Variants in COL4A6 observed in about 807,000 individuals in gnomAD.
COL4A6 encodes the protein collagen alpha-6(IV) chain.
COL4A6 carries 59 observed loss-of-function variants against 126.7 expected under a neutral mutation model. The ratio of observed to expected loss-of-function variants is 0.47; its 90% CI spans 0.38 to 0.58. The LOEUF (loss-of-function observed/expected upper bound fraction) is 0.58, where lower values mean the gene tolerates loss of function less well. Ranked by LOEUF, COL4A6 falls within the 20% of genes least tolerant of loss-of-function variation. The pLI is 0.00. For synonymous variants in COL4A6, 547 were observed against 496.6 expected (o/e 1.10, Z -1.35); for missense variants, 1,285 against 1,337.3 (o/e 0.96, Z 0.61).
intron 3 of COL4A6, among the ~76,000 whole-genome samples, chrX:108,302,160 C>T (rs2038505829): frequency 9.0e-6 from 1 of 110,558 alleles, no homozygotes; most frequent in Non-Finnish European, 1.9e-5. Context: ...ATACACATGT[C>T]CTAATCTCTC....
chrX:108,191,472 TG>T lies in COL4A6; in HGVS notation c.1241del (p.Pro414GlnfsTer56). 1 of 1,211,367 alleles carries T rather than the reference TG, an allele frequency of 8.3e-7. No individual in the cohort carries two copies. The highest frequency in any genetic ancestry group is 1.7e-5 in the African/African-American group (1 of 57,727). On this transcript the variant is annotated frameshift_variant, in exon 19 of 45. Coordinates refer to ENST00000334504, the MANE Select transcript of COL4A6 (RefSeq NM_033641.4). LOFTEE classifies it high-confidence loss of function. ...FPGLKGDQGN[P>X]GRTTIGAAGL... ...CAGCTGCTCCAATTGTGGTACGGCC[TG>T]GGTTTCCTTGGTCCCCCTTCAGCCC... is the stretch of plus-strand genomic sequence containing the variant.
intron 3 of COL4A6, among the ~76,000 whole-genome samples, chrX:108,271,514 T>C (rs751095005): frequency 1.8e-5 from 2 of 111,739 alleles, no homozygotes; most frequent in South Asian, 7.6e-4. Flanking sequence ...ATTAAATGGA[T>C]TCAGTCAGAT....
intron 2 of COL4A6, among the ~76,000 whole-genome samples, chrX:108,395,768 G>A (rs1481315152): frequency 8.9e-6 from 1 of 111,939 alleles, no homozygotes; most frequent in Non-Finnish European, 1.9e-5. Flanking sequence ...CTCTCACAAA[G>A]ATAGTAAAAA....
chrX:108,377,766 A>T (rs760403985), intron 2 of COL4A6, among the ~76,000 whole-genome samples: 1 of 106,928 alleles, frequency 9.4e-6, no homozygotes, highest in Non-Finnish European at 1.9e-5. Flanking sequence ...CGTCTCTACT[A>T]AAAAAACCAA....
At chrX:108,170,522 C>T (rs926472369) in intron 35 of COL4A6, 87 bp downstream of exon 35, 6 of 764,371 alleles carry the variant, frequency 7.8e-6, no homozygotes, top group Non-Finnish European at 1.0e-5. Context: ...TGGCTTAACC[C>T]TAGCTAGTAT....
At chrX:108,285,119 C>A (rs2037971744) in intron 3 of COL4A6, among the ~76,000 whole-genome samples, 1 of 111,728 alleles carries the variant, frequency 9.0e-6, no homozygotes, top group Non-Finnish European at 1.9e-5. Flanking sequence ...CTACTGGGTG[C>A]CCAGTGGGAA....
chrX:108,289,725 CTT>C (rs60277712), intron 3 of COL4A6, among the ~76,000 whole-genome samples: 6,321 of 111,201 alleles, frequency 0.057, 431 homozygotes, highest in African/African-American at 0.18. Flanking sequence ...CCTGCACTCA[CTT>C]CTCTCTCCCT....
At position 108,172,454 on chromosome X, in the gene COL4A6, A is replaced by C; in HGVS notation, c.3202+15T>G. On this transcript the variant is annotated intron_variant, in intron 32 of 44. Transcript: ENST00000334504. ...CTAGAAGAAAACATTAAAAGAAAAA[A>C]AAAATGCTCCTTACCTTTCAGGCCT... 8.4e-7 allele frequency: 1 copy of C among 1,185,822 alleles called. No homozygotes were observed. Among genetic ancestry groups the C allele is most frequent in the South Asian group, 1.9e-5 (1 of 52,887 alleles).
At chrX:108,411,503 T>A (rs914703773) in intron 2 of COL4A6, among the ~76,000 whole-genome samples, 2 of 111,551 alleles carry the variant, frequency 1.8e-5, no homozygotes, top group Admixed American at 9.6e-5. Context: ...GACACTGTTA[T>A]CTCCACTTTA....
intron 2 of COL4A6, among the ~76,000 whole-genome samples, chrX:108,437,067 CTCAACAATTGAACAACTTCGTAT>C (rs1189600476): frequency 2.8e-4 from 31 of 111,644 alleles, no homozygotes; most frequent in Non-Finnish European, 4.7e-4. Context: ...TGAAATAGTA[CTCAACAATTGAACAACTTCGTAT>C]TCAAACTCAA....
chrX:108,432,558 G>A (rs968393780), intron 2 of COL4A6, among the ~76,000 whole-genome samples: 8 of 112,199 alleles, frequency 7.1e-5, no homozygotes, highest in African/African-American at 1.6e-4. Flanking sequence ...AGAGGAGGCC[G>A]GGTGCGGTGG....
chrX:108,191,427 A>G lies in COL4A6; in HGVS notation c.1287T>C (p.Gly429=). 2 of 1,211,099 alleles carry G rather than the reference A, an allele frequency of 1.7e-6. No individual in the cohort carries two copies. The highest frequency in any genetic ancestry group is 2.2e-6 in the Non-Finnish European group (2 of 895,142). ...IGAAGLPGRD[G]LPGPPGPPGP... ...CTGGTGGACCTGGTGGGCCTGGCAAACCATCTCTGCCAGGGAGGCCAGCTG... is the reference window on the plus strand; with the variant it reads ...CTGGTGGACCTGGTGGGCCTGGCAAGCCATCTCTGCCAGGGAGGCCAGCTG... Residue 429 remains glycine, a synonymous_variant, in exon 19 of 45, where the codon GGT becomes GGC. Transcript: ENST00000334504.
In COL4A6 at chrX:108,196,499, C is replaced by T. The variant is rs367948470; in HGVS notation, c.903+12G>A. The T allele has an allele frequency of 2.8e-5, 34 of 1,198,739 alleles. No individual in the cohort carries two copies. In the East Asian group the frequency reaches 5.6e-4, roughly 20 times the overall value. ...TTGACAGACCCAGGCAAGTAACATT[C>T]GAGGTTCATACCCTAGGTCCTGGCA... is the stretch of plus-strand genomic sequence containing the variant. On this transcript the variant is annotated intron_variant, in intron 14 of 44. Coordinates refer to ENST00000334504, the MANE Select transcript of COL4A6 (RefSeq NM_033641.4).
chrX:108,300,376 G>C (rs1331905401), intron 3 of COL4A6, among the ~76,000 whole-genome samples: 1 of 109,188 alleles, frequency 9.2e-6, no homozygotes, highest in African/African-American at 3.3e-5. Context: ...CTGTGTGTGT[G>C]TGTGTGTGTG....
At chrX:108,271,510 T>C (rs2037451027) in intron 3 of COL4A6, among the ~76,000 whole-genome samples, 1 of 111,836 alleles carries the variant, frequency 8.9e-6, no homozygotes, top group Non-Finnish European at 1.9e-5. Flanking sequence ...TAATATTAAA[T>C]GGATTCAGTC....
chrX:108,365,133 T>C (rs750579506), intron 2 of COL4A6, among the ~76,000 whole-genome samples: 1 of 112,127 alleles, frequency 8.9e-6, no homozygotes, highest in Admixed American at 9.5e-5. Context: ...TTTCTTTCTG[T>C]AACCTTTTCT....
chrX:108,360,994 C>T (rs1205300436), intron 2 of COL4A6, among the ~76,000 whole-genome samples: 1 of 111,090 alleles, frequency 9.0e-6, no homozygotes, highest in Non-Finnish European at 1.9e-5. Flanking sequence ...AAGAGTCTGA[C>T]TATCATCTTA....
chrX:108,409,712 T>C (rs937897722), intron 2 of COL4A6, among the ~76,000 whole-genome samples: 9 of 112,003 alleles, frequency 8.0e-5, no homozygotes, highest in African/African-American at 2.9e-4. Context: ...CCCTCAAAAG[T>C]AATAAGAAAG....
chrX:108,410,388 A>C lies in COL4A6; in HGVS notation c.63+27554T>G, dbSNP rs773040848. Among the ~76,000 whole-genome samples, 3 of 111,754 alleles carry C rather than the reference A, an allele frequency of 2.7e-5. No individual in the cohort carries two copies. In the South Asian group the frequency reaches 1.1e-3, roughly 43 times the overall value. ...AGGCACTCAAGAGTTTTTTTCATAT[A>C]GATAAGAAGGCAGACATATAAAACA... On this transcript the variant is annotated intron_variant, in intron 2 of 44. Transcript: ENST00000334504.
Sources: gnomAD v4.1 joint callset for allele counts (sites outside exome capture counted in the v4.1 genomes callset) on GRCh38, gnomAD v4.1.1 for gene constraint, MANE v1.5 for transcripts, NCBI Gene and HGNC (gene_info 2026-07-23, HGNC 2026-07-21) for gene names.